ADAMTS6: variants seen among roughly 807,000 people sequenced by gnomAD.
ADAMTS6 encodes the protein ADAM metallopeptidase with thrombospondin type 1 motif 6, also known as A disintegrin and metalloproteinase with thrombospondin motifs 6.
A neutral mutation model predicts 144.3 loss-of-function variants in ADAMTS6; 23 were observed. The ratio of observed to expected loss-of-function variants is 0.16; its 90% confidence interval spans 0.11 to 0.23. ADAMTS6 has a LOEUF of 0.23. Ranked by LOEUF, ADAMTS6 falls within the 10% of genes least tolerant of loss-of-function variation. ADAMTS6 has a pLI of 1.00. For synonymous variants in ADAMTS6, 444 were observed against 457.5 expected, an observed-to-expected ratio of 0.97 and a Z score of 0.38; for missense variants, 999 against 1,379.6, an observed-to-expected ratio of 0.72 and a Z score of 4.37.
chr5:65,303,474 A>G lies in ADAMTS6; in HGVS notation c.1224-3343T>C, dbSNP rs186349921. On this transcript the variant is annotated intron_variant, in intron 9 of 24. Coordinates refer to ENST00000381055, the MANE Select transcript of ADAMTS6 (RefSeq NM_197941.4). The stretch of plus-strand genomic sequence containing the variant: ...GTATTTATTTATCAAAATTTGTAAT[A>G]TGTATATATTCTTCCAATCAGTCAC... Among the ~76,000 whole-genome samples, 461 of 152,176 alleles carry G rather than the reference A, an allele frequency of 3.0e-3. 3 individuals carry two copies. Among genetic ancestry groups the G allele is most frequent in the African/African-American group, 0.011 (446 of 41,548 alleles).
intron 7 of ADAMTS6, among the ~76,000 whole-genome samples, chr5:65,379,698 T>C (rs1375435552): frequency 2.6e-5 from 4 of 152,100 alleles, no homozygotes; most frequent in Non-Finnish European, 5.9e-5. Context: ...TGCACACACA[T>C]GTACATAACT....
At position 65,310,531 on chromosome 5, in the gene ADAMTS6, A is replaced by T. The variant is rs560809650; in HGVS notation, c.1224-10400T>A. Among the ~76,000 whole-genome samples, 51 of 152,298 alleles carry T rather than the reference A, an allele frequency of 3.3e-4. 1 individual carries two copies. The highest frequency in any genetic ancestry group is 5.9e-4 in the Admixed American group (9 of 15,300). On this transcript the variant is annotated intron_variant, in intron 9 of 24. Coordinates refer to ENST00000381055, the MANE Select transcript of ADAMTS6 (RefSeq NM_197941.4). ...TAGAATGACACTGTGTCTCAAAAAA[A>T]GTTAGATTGAATTGAATTAAAATAA... is the stretch of plus-strand genomic sequence containing the variant.
chr5:65,364,899 T>C (rs998987713), intron 7 of ADAMTS6, among the ~76,000 whole-genome samples: 1 of 151,228 alleles, frequency 6.6e-6, no homozygotes, highest in African/African-American at 2.4e-5. Context: ...CTACTTATTA[T>C]AGATATGATG....
At chr5:65,309,258 C>T (rs1744242789) in intron 9 of ADAMTS6, among the ~76,000 whole-genome samples, 2 of 151,922 alleles carry the variant, frequency 1.3e-5, no homozygotes, top group Admixed American at 1.3e-4. Context: ...GAGCTCTGAG[C>T]TTGTTTTCCT....
At chr5:65,460,526 G>T (rs747227423) in intron 3 of ADAMTS6, among the ~76,000 whole-genome samples, 188 bp from the exon 4 acceptor site, 2 of 151,996 alleles carry the variant, frequency 1.3e-5, no homozygotes, top group Admixed American at 1.3e-4. Flanking sequence ...CTTTAAAAAG[G>T]ACATTTAAAT....
intron 7 of ADAMTS6, among the ~76,000 whole-genome samples, chr5:65,364,564 CTTTTTTTTT>C (rs1245835544): frequency 8.5e-6 from 1 of 117,848 alleles, no homozygotes; most frequent in East Asian, 2.5e-4. Flanking sequence ...GAATTTCTTT[CTTTTTTTTT>C]TTTTTTTTTT....
intron 21 of ADAMTS6, among the ~76,000 whole-genome samples, chr5:65,194,541 G>T (rs1016138866): frequency 1.7e-4 from 26 of 152,116 alleles, no homozygotes; most frequent in African/African-American, 6.3e-4. Context: ...CTTTGTATAG[G>T]TTTATCAGGA....
At chr5:65,449,365 C>T (rs968708298) in intron 7 of ADAMTS6, among the ~76,000 whole-genome samples, 2 of 152,098 alleles carry the variant, frequency 1.3e-5, no homozygotes, top group Non-Finnish European at 2.9e-5. Context: ...CCTGTAATCC[C>T]CAGCACTTTG....
intron 7 of ADAMTS6, among the ~76,000 whole-genome samples, chr5:65,358,185 T>C (rs913704030): frequency 1.3e-5 from 2 of 152,026 alleles, no homozygotes; most frequent in South Asian, 2.1e-4. Context: ...ATAAATGTGA[T>C]ACATCACATT....
In ADAMTS6 at chr5:65,226,161, T is replaced by C. The variant is rs200964441; in HGVS notation, c.1992A>G (p.Glu664=). The change falls in exon 16 of 25, where the codon GAA becomes GAG. Residue 664 remains glutamate (E), a synonymous_variant. Transcript: ENST00000381055. ...TCCCATCGATCACCGCAGGAGCACG[T>C]TCAGTGTAGAAATTATAACCTTCAG... ...CLAEGYNFYT[E]RAPAVIDGTQ... is the part of the protein sequence containing the mutation. 2 of 1,613,874 alleles carry C rather than the reference T, an allele frequency of 1.2e-6. No homozygotes were observed. Among genetic ancestry groups the C allele is most frequent in the East Asian group, 4.5e-5 (2 of 44,850 alleles).
At chr5:65,371,843 A>T (rs1203029651) in intron 7 of ADAMTS6, among the ~76,000 whole-genome samples, 1 of 152,150 alleles carries the variant, frequency 6.6e-6, no homozygotes, top group African/African-American at 2.4e-5. Context: ...AGTTTAAATG[A>T]AGGAAAAAAT....
chr5:65,374,093 T>C (rs1323148852), intron 7 of ADAMTS6, among the ~76,000 whole-genome samples: 1 of 152,202 alleles, frequency 6.6e-6, no homozygotes, highest in Non-Finnish European at 1.5e-5. Flanking sequence ...AAATTAGGTA[T>C]TGATGGGACA....
At chr5:65,393,126 T>C (rs372824188) in intron 7 of ADAMTS6, among the ~76,000 whole-genome samples, 2 of 152,262 alleles carry the variant, frequency 1.3e-5, no homozygotes, top group African/African-American at 4.8e-5. Flanking sequence ...ACCAAAACTA[T>C]CCTTTCTCCA....
rs1758133329 is a variant in ADAMTS6 at position 65,230,648 on chromosome 5, T to A, written c.1934-4429A>T. On this transcript the variant is annotated intron_variant, in intron 15 of 24. Transcript: ENST00000381055. The stretch of plus-strand genomic sequence containing the variant: ...ATGTATGAAATATATATAACACATA[T>A]GTATGAAATATATATAACACATATG... 2.0e-5 allele frequency among the ~76,000 whole-genome samples: 2 copies of A among 97,740 alleles called. 1 individual carries two copies. The highest frequency in any genetic ancestry group is 5.9e-4 in the South Asian group (2 of 3,372). The allele number at this position is 97,740 out of a possible 152,430, so 64.1% of individuals were successfully genotyped here.
At chr5:65,310,044 T>C (rs1332132675) in intron 9 of ADAMTS6, among the ~76,000 whole-genome samples, 1 of 152,048 alleles carries the variant, frequency 6.6e-6, no homozygotes, top group Admixed American at 6.6e-5. Context: ...CACCCCCACT[T>C]GGTACTGTCT....
intron 20 of ADAMTS6, chr5:65,210,688 T>C (rs1177714728): frequency 1.1e-5 from 7 of 638,184 alleles, no homozygotes; most frequent in South Asian, 2.9e-5. Flanking sequence ...AAGCAAATAA[T>C]TTAATGTGGA....
intron 7 of ADAMTS6, among the ~76,000 whole-genome samples, chr5:65,403,305 T>C (rs756711901): frequency 6.6e-6 from 1 of 152,146 alleles, no homozygotes; most frequent in African/African-American, 2.4e-5. Flanking sequence ...TTTCTGAACA[T>C]ACATTTACTT....
intron 24 of ADAMTS6, among the ~76,000 whole-genome samples, chr5:65,162,707 AAT>A (rs1268186630): frequency 6.6e-6 from 1 of 151,966 alleles, no homozygotes; most frequent in African/African-American, 2.4e-5. Context: ...TAAGACAGAT[AAT>A]ATATATAAAG....
At chr5:65,274,289 T>A (rs1339607072) in intron 11 of ADAMTS6, among the ~76,000 whole-genome samples, 1 of 152,096 alleles carries the variant, frequency 6.6e-6, no homozygotes, top group Non-Finnish European at 1.5e-5. Flanking sequence ...AGCTTCCTTT[T>A]GAAGAAAATA....
Sources: allele counts gnomAD v4.1 joint callset (sites outside exome capture counted in the v4.1 genomes callset), GRCh38; gene constraint gnomAD v4.1.1; transcripts MANE v1.5; gene names NCBI Gene and HGNC (gene_info 2026-07-23, HGNC 2026-07-21).